Variants in DCUN1D1 observed in about 807,000 individuals in gnomAD.
The protein encoded by DCUN1D1 is defective in cullin neddylation 1 domain containing 1.
DCUN1D1 carries 3 observed loss-of-function variants against 39.0 expected under a neutral mutation model. That is an observed-to-expected ratio of 0.08 (90% CI 0.04 to 0.20). The LOEUF (loss-of-function observed/expected upper bound fraction) is 0.20, where lower values mean the gene tolerates loss of function less well. Ranked by LOEUF, DCUN1D1 falls within the 10% of genes least tolerant of loss-of-function variation. The pLI, the probability that DCUN1D1 is intolerant of heterozygous loss-of-function variation, is 1.00. For synonymous variants in DCUN1D1, 82 were observed against 96.3 expected (o/e 0.85, Z 0.87); for missense variants, 158 against 302.4 (o/e 0.52, Z 3.54).
chr3:182,963,980 G>A lies in DCUN1D1; in HGVS notation c.290C>T (p.Pro97Leu). The A allele has an allele frequency of 6.2e-7, 1 of 1,613,980 alleles. No individual in the cohort carries two copies. The highest frequency in any genetic ancestry group is 8.5e-7 in the Non-Finnish European group (1 of 1,179,904). ...QQFCDDLALDPASISVLIIAW... is the reference protein window; with the variant it reads ...QQFCDDLALDLASISVLIIAW... ...AATAATCAACACACTAATGCTGGCT[G>A]GATCGAGTGCCAGGTCATCACAGAA... The change falls in exon 3 of 7, where the codon CCA becomes CTA. Residue 97 changes from proline (P) to leucine (L), a missense_variant. Around this residue, in one of 4 missense-constraint regions of DCUN1D1, gnomAD observed 107 missense variants for 174.7 expected, o/e 0.61. Transcript: ENST00000292782.
upstream of DCUN1D1, chr3:182,980,710 C>T (rs1028134156): frequency 1.8e-5 from 6 of 335,386 alleles, no homozygotes; most frequent in Non-Finnish European, 2.6e-5. Flanking sequence ...CGCGGGGGTC[C>T]CCCGGGGAGT....
intron 4 of DCUN1D1, chr3:182,950,744 G>A (rs1339141964): frequency 3.3e-5 from 5 of 151,518 alleles, no homozygotes; most frequent in African/African-American, 1.2e-4. Flanking sequence ...GTGGCTCACG[G>A]GTGTAATCCC....
At chr3:182,967,342 T>A (rs895480182) in intron 1 of DCUN1D1, among the ~76,000 whole-genome samples, 3 of 151,824 alleles carry the variant, frequency 2.0e-5, no homozygotes, top group African/African-American at 7.3e-5. Flanking sequence ...AACAAAGAGG[T>A]CTCATGAATC....
rs1337493526 is a variant in DCUN1D1 at position 182,943,403 on chromosome 3, TTTC to T, written c.*1688_*1690del. On this transcript the variant is annotated 3_prime_UTR_variant, in exon 7 of 7. Coordinates refer to ENST00000292782, the MANE Select transcript of DCUN1D1 (RefSeq NM_020640.4). ...TAGCCTGAATAGAAATTTTCAAATT[TTTC>T]TTTTGGTAAAACTGCATTCTTGAAT... 2.0e-5 allele frequency: 3 copies of T among 152,526 alleles called. No homozygotes were observed. The highest frequency in any genetic ancestry group is 4.4e-5 in the Non-Finnish European group (3 of 67,992). The allele number at this position is 152,526 out of a possible 1,614,324, so 9.4% of individuals were successfully genotyped here. A position where few individuals can be genotyped will look rare whatever the true frequency, so the allele number is the denominator to read the frequency against.
chr3:182,978,270 C>G (rs542478973), intron 1 of DCUN1D1, among the ~76,000 whole-genome samples: 1 of 152,034 alleles, frequency 6.6e-6, no homozygotes, highest in Non-Finnish European at 1.5e-5. Context: ...CTCACAGCCC[C>G]GAAACTGCAT....
intron 1 of DCUN1D1, among the ~76,000 whole-genome samples, chr3:182,973,102 A>C (rs1435142613): frequency 6.6e-6 from 1 of 151,960 alleles, no homozygotes; most frequent in Non-Finnish European, 1.5e-5. Flanking sequence ...TGGGGGAGGG[A>C]GGAACGTTCC....
At chr3:182,984,294 C>T (rs776785935), upstream of DCUN1D1, among the ~76,000 whole-genome samples, 10 of 152,148 alleles carry the variant, frequency 6.6e-5, no homozygotes, top group African/African-American at 1.2e-4. Flanking sequence ...AATTATTACT[C>T]AATCATCATG....
rs1385538968 is a variant in DCUN1D1, at chr3:182,944,154, A to G, written c.*940T>C. 1 of 152,644 alleles carries G rather than the reference A, an allele frequency of 6.6e-6. No individual in the cohort carries two copies. The highest frequency in any genetic ancestry group is 2.4e-5 in the African/African-American group (1 of 41,466). The allele number at this position is 152,644 out of a possible 1,614,324, so 9.5% of individuals were successfully genotyped here. On this transcript the variant is annotated 3_prime_UTR_variant, in exon 7 of 7. Coordinates refer to ENST00000292782, the MANE Select transcript of DCUN1D1 (RefSeq NM_020640.4). Reference sequence around the variant, plus strand: ...TGTTCCATAGTGCGATGACAAAAAAAAAGTAAAAACAAAACAAAAAAACCC... The same window carrying G: ...TGTTCCATAGTGCGATGACAAAAAAGAAGTAAAAACAAAACAAAAAAACCC...
upstream of DCUN1D1, among the ~76,000 whole-genome samples, chr3:182,985,219 CT>C (rs1728687366): frequency 1.3e-5 from 2 of 152,286 alleles, no homozygotes; most frequent in South Asian, 4.1e-4. Context: ...GGTTCCAAAG[CT>C]CATACCAAAC....
intron 1 of DCUN1D1, among the ~76,000 whole-genome samples, chr3:182,979,637 A>T (rs1447698075): frequency 6.8e-6 from 1 of 147,364 alleles, no homozygotes; most frequent in East Asian, 2.0e-4. Flanking sequence ...AACTTGACAA[A>T]CTGTTTTAAA....
chr3:182,964,482 C>T (rs1405655867), intron 2 of DCUN1D1, among the ~76,000 whole-genome samples: 2 of 152,054 alleles, frequency 1.3e-5, no homozygotes, highest in African/African-American at 4.8e-5. Context: ...GTGACCTAAA[C>T]TATGCAATTC....
rs149362856 is a variant in DCUN1D1, at chr3:182,955,322, T to G, written c.520+5904A>C. 588 of 546,814 alleles carry G rather than the reference T, an allele frequency of 1.1e-3. 3 individuals are homozygous for G. The highest frequency in any genetic ancestry group is 9.9e-3 in the African/African-American group (515 of 52,222). 33.9% of individuals were successfully genotyped at this position (546,814 alleles called of 1,614,324 possible). A position where few individuals can be genotyped will look rare whatever the true frequency, so the allele number is the denominator to read the frequency against. On this transcript the variant is annotated intron_variant, in intron 4 of 6. Coordinates refer to ENST00000292782, the MANE Select transcript of DCUN1D1 (RefSeq NM_020640.4). Reference sequence around the variant, plus strand: ...CACTTTCTTCACTTCTTCTGCAGCTTCTTCTATGGTTGGAACTTAGATTAT... The same window carrying G: ...CACTTTCTTCACTTCTTCTGCAGCTGCTTCTATGGTTGGAACTTAGATTAT...
At position 182,942,563 on chromosome 3, in the gene DCUN1D1, C is replaced by G. The variant is rs1726186105; in HGVS notation, c.*2531G>C. ...AAGCATTACATTTTAAAATTTGTAC[C>G]TGTTTTGACATTTGGCAAAAAGGAA... On this transcript the variant is annotated 3_prime_UTR_variant, in exon 7 of 7. Coordinates refer to ENST00000292782, the MANE Select transcript of DCUN1D1 (RefSeq NM_020640.4). 6.6e-6 allele frequency: 1 copy of G among 151,348 alleles called. No individual in the cohort carries two copies. The highest frequency in any genetic ancestry group is 2.4e-5 in the African/African-American group (1 of 41,130). 9.4% of individuals were successfully genotyped at this position (151,348 alleles called of 1,614,324 possible).
intron 1 of DCUN1D1, among the ~76,000 whole-genome samples, chr3:182,970,270 A>C (rs1727866439): frequency 6.6e-6 from 1 of 152,164 alleles, no homozygotes; most frequent in African/African-American, 2.4e-5. Flanking sequence ...ACCCCCCAAA[A>C]AAAAGAAAAG....
chr3:182,977,760 G>C (rs1006821530), intron 1 of DCUN1D1, among the ~76,000 whole-genome samples: 1 of 151,870 alleles, frequency 6.6e-6, no homozygotes, highest in Non-Finnish European at 1.5e-5. Flanking sequence ...TATGTTTCAG[G>C]CTGGCGTGGT....
Position 182,952,033 on chromosome 3 carries a change from C to T in DCUN1D1, c.521-4401G>A, listed in dbSNP as rs73065100. ...TTTCTTATAGTCTACACTCATTGCC[C>T]GGTTTCCCCATTTCCCACACATTCT... On this transcript the variant is annotated intron_variant, in intron 4 of 6. Coordinates refer to ENST00000292782, the MANE Select transcript of DCUN1D1 (RefSeq NM_020640.4). 9.6e-4 allele frequency among the ~76,000 whole-genome samples: 146 copies of T among 152,224 alleles called. 1 individual carries two copies. The highest frequency in any genetic ancestry group is 3.1e-3 in the African/African-American group (127 of 41,534).
At chr3:182,946,401 C>CA (rs1726403424) in intron 6 of DCUN1D1, among the ~76,000 whole-genome samples, 1 of 151,534 alleles carries the variant, frequency 6.6e-6, no homozygotes, top group Non-Finnish European at 1.5e-5. Context: ...ACTAAAAATA[C>CA]AAAAAATTAG....
intron 4 of DCUN1D1, 27 bp from the exon 5 acceptor site, chr3:182,947,659 T>C (rs767786153): frequency 5.1e-5 from 64 of 1,255,912 alleles, no homozygotes; most frequent in Non-Finnish European, 6.6e-5. Flanking sequence ...GAATTATGTA[T>C]TTAAATGCTA....
intron 4 of DCUN1D1, among the ~76,000 whole-genome samples, chr3:182,948,510 A>C (rs1000806125): frequency 6.6e-6 from 1 of 152,194 alleles, no homozygotes; most frequent in Non-Finnish European, 1.5e-5. Context: ...TACACTTATC[A>C]CATGACAGAG....
Sources: gnomAD v4.1 joint callset for allele counts (sites outside exome capture counted in the v4.1 genomes callset) on GRCh38, gnomAD v4.1.1 for gene constraint, gnomAD v4.1.1 regional missense constraint, MANE v1.5 for transcripts, NCBI Gene and HGNC (gene_info 2026-07-23, HGNC 2026-07-21) for gene names.